The following GRIK4 variants were observed in gnomAD, a reference collection of about 807,000 sequenced individuals.
The protein encoded by GRIK4 is glutamate ionotropic receptor kainate type subunit 4.
A neutral mutation model predicts 104.9 loss-of-function variants in GRIK4; 40 were observed. The ratio of observed to expected loss-of-function variants is 0.38; its 90% CI spans 0.30 to 0.50. The LOEUF (loss-of-function observed/expected upper bound fraction) is 0.50, where lower values mean the gene tolerates loss of function less well. Among genes scored for constraint, GRIK4 ranks in the 20% least tolerant of loss-of-function variants. The pLI is 0.93. For synonymous variants in GRIK4, 485 were observed against 524.9 expected, an observed-to-expected ratio of 0.92 and a Z score of 1.04; for missense variants, 1,047 against 1,308.1, an observed-to-expected ratio of 0.80 and a Z score of 3.08.
intron 8 of GRIK4, chr11:120,859,067 A>T (rs575074840): frequency 6.6e-6 from 1 of 152,360 alleles, no homozygotes; most frequent in South Asian, 2.1e-4. Flanking sequence ...GCAGGAAGAC[A>T]GACTGGCTGA....
At chr11:120,731,420 C>T (rs1252711214) in intron 3 of GRIK4, among the ~76,000 whole-genome samples, 1 of 152,076 alleles carries the variant, frequency 6.6e-6, no homozygotes, top group East Asian at 1.9e-4. Context: ...ATAAATCCTA[C>T]TTGATCATGA....
At chr11:120,735,911 G>A (rs1002825951) in intron 3 of GRIK4, among the ~76,000 whole-genome samples, 1 of 152,154 alleles carries the variant, frequency 6.6e-6, no homozygotes, top group Non-Finnish European at 1.5e-5. Flanking sequence ...TGCCAGGTCT[G>A]GGACACAATC....
rs1016412089 is a variant in GRIK4, at chr11:120,668,211, A to G, written c.82+7811A>G. Among the ~76,000 whole-genome samples the G allele has an allele frequency of 5.3e-5, 8 of 152,102 alleles. No individual in the cohort carries two copies. In the South Asian group the frequency reaches 6.3e-4, roughly 12 times the overall value. On this transcript the variant is annotated intron_variant, in intron 3 of 20. Coordinates refer to ENST00000527524, the MANE Select transcript of GRIK4 (RefSeq NM_014619.5). ...GGTAGGTAGGTAGGTAAGCAGACAG[A>G]CAGAGAAAGAGGTAGGCAGACAGAG...
At chr11:120,787,433 TTTTATTTTATTTTATTTTA>T (rs1409523779) in intron 3 of GRIK4, among the ~76,000 whole-genome samples, 2 of 151,194 alleles carry the variant, frequency 1.3e-5, no homozygotes, top group Admixed American at 6.6e-5. Flanking sequence ...TGTTATTTTA[TTTTATTTTATTTTATTTTA>T]TTTATTTTAT....
chr11:120,785,361 T>C (rs1952245807), intron 3 of GRIK4, among the ~76,000 whole-genome samples: 1 of 151,814 alleles, frequency 6.6e-6, no homozygotes, highest in South Asian at 2.1e-4. Flanking sequence ...AAAGAAAACC[T>C]ACAGGGAGGT....
At chr11:120,673,159 T>C (rs1359054438) in intron 3 of GRIK4, among the ~76,000 whole-genome samples, 1 of 152,224 alleles carries the variant, frequency 6.6e-6, no homozygotes, top group Non-Finnish European at 1.5e-5. Flanking sequence ...ATGGGTCCTA[T>C]TGTTTATTGT....
At chr11:120,680,329 C>T (rs541875932) in intron 3 of GRIK4, among the ~76,000 whole-genome samples, 80 of 134,692 alleles carry the variant, frequency 5.9e-4, no homozygotes, top group African/African-American at 2.0e-3. Flanking sequence ...CAACCTGCCC[C>T]GGCCTCCCTA....
At chr11:120,605,808 G>T (rs527873993) in intron 1 of GRIK4, among the ~76,000 whole-genome samples, 19 of 152,364 alleles carry the variant, frequency 1.2e-4, no homozygotes, top group Admixed American at 2.6e-4. Context: ...ATGGGTCAGG[G>T]AAGCTGCTTA....
chr11:120,594,768 A>G (rs948082297), intron 1 of GRIK4, among the ~76,000 whole-genome samples: 1 of 152,138 alleles, frequency 6.6e-6, no homozygotes, highest in Non-Finnish European at 1.5e-5. Flanking sequence ...GGTTAATCCA[A>G]TTCACTCATA....
chr11:120,525,569 C>T (rs942671372), intron 1 of GRIK4, among the ~76,000 whole-genome samples: 4 of 152,182 alleles, frequency 2.6e-5, no homozygotes, highest in South Asian at 4.1e-4. Flanking sequence ...AGGGGTGTTA[C>T]AGAAACCATA....
chr11:120,785,052 C>CA (rs142820175), intron 3 of GRIK4, among the ~76,000 whole-genome samples: 12,723 of 152,214 alleles, frequency 0.084, 1,780 homozygotes, highest in African/African-American at 0.29. Flanking sequence ...AGGCTCCCAG[C>CA]AGCCCCCATC....
chr11:120,824,959 C>T (rs1240077837), intron 6 of GRIK4, among the ~76,000 whole-genome samples: 2 of 152,072 alleles, frequency 1.3e-5, no homozygotes, highest in African/African-American at 4.8e-5. Context: ...GAGTCTTGCT[C>T]TGTTGCCCAG....
intron 20 of GRIK4, among the ~76,000 whole-genome samples, chr11:120,983,364 C>T (rs1040567379): frequency 8.5e-5 from 13 of 152,152 alleles, no homozygotes; most frequent in East Asian, 3.9e-4. Context: ...CGATTTGGTC[C>T]GAAACCCAGG....
At chr11:120,828,344 A>G (rs1378287648) in intron 6 of GRIK4, among the ~76,000 whole-genome samples, 1 of 152,196 alleles carries the variant, frequency 6.6e-6, no homozygotes, top group Non-Finnish European at 1.5e-5. Flanking sequence ...AACCAAGACT[A>G]TCTTTGGTGG....
At chr11:120,662,689 G>T (rs973123151) in intron 3 of GRIK4, among the ~76,000 whole-genome samples, 1 of 152,174 alleles carries the variant, frequency 6.6e-6, no homozygotes, top group African/African-American at 2.4e-5. Context: ...AGGGGCTGCT[G>T]CTCCTCTCGC....
chr11:120,589,449 A>C (rs565911317), intron 1 of GRIK4, among the ~76,000 whole-genome samples: 2 of 152,158 alleles, frequency 1.3e-5, no homozygotes, highest in Non-Finnish European at 2.9e-5. Context: ...TTTTGACTGA[A>C]GATAAAGCTT....
intron 3 of GRIK4, among the ~76,000 whole-genome samples, chr11:120,691,713 T>A (rs1365703292): frequency 1.3e-5 from 2 of 152,218 alleles, no homozygotes; most frequent in African/African-American, 2.4e-5. Flanking sequence ...TCTTCTGGCA[T>A]GGCCTGAAAT....
In GRIK4 at chr11:120,878,623, C is replaced by T. The variant is rs28613875; in HGVS notation, c.1164+3380C>T. ...TTCTCTTTATGCCCCGCCCCCCCCC[C>T]TTTTTTCAACAAATCTAGTGAGTGT... On this transcript the variant is annotated intron_variant, in intron 11 of 20. Transcript: ENST00000527524. Among the ~76,000 whole-genome samples, 8 of 83,576 alleles carry T rather than the reference C, an allele frequency of 9.6e-5. 1 individual carries two copies. The highest frequency in any genetic ancestry group is 4.6e-4 in the South Asian group (1 of 2,194). The allele number at this position is 83,576 out of a possible 152,430, so 54.8% of individuals were successfully genotyped here.
At chr11:120,947,091 CAG>C (rs1276383260) in intron 14 of GRIK4, among the ~76,000 whole-genome samples, 1 of 152,054 alleles carries the variant, frequency 6.6e-6, no homozygotes, top group Non-Finnish European at 1.5e-5. Context: ...AAAGAAAAAT[CAG>C]ACAGTGTTTA....
Sources: allele counts gnomAD v4.1 joint callset (sites outside exome capture counted in the v4.1 genomes callset), GRCh38; gene constraint gnomAD v4.1.1; transcripts MANE v1.5; gene names NCBI Gene and HGNC (gene_info 2026-07-23, HGNC 2026-07-21).